CACNA2D3: variants seen among roughly 807,000 people sequenced by gnomAD.
CACNA2D3 encodes the protein voltage-dependent calcium channel subunit alpha-2/delta-3.
In CACNA2D3, 60 loss-of-function variants were observed where a neutral mutation model predicts 160.6. That is an observed-to-expected ratio of 0.37 (90% CI 0.30 to 0.46). The LOEUF (loss-of-function observed/expected upper bound fraction) is 0.46, where lower values mean the gene tolerates loss of function less well. Ranked by LOEUF, CACNA2D3 falls within the 20% of genes least tolerant of loss-of-function variation. The probability of loss-of-function intolerance (pLI) is 1.00; values close to 1 mark genes in which losing one functional copy is unlikely to be tolerated. For synonymous variants in CACNA2D3, 558 were observed against 492.9 expected, an observed-to-expected ratio of 1.13 and a Z score of -1.75; for missense variants, 1,205 against 1,365.0, an observed-to-expected ratio of 0.88 and a Z score of 1.85.
At chr3:54,724,022 C>G (rs1159208993) in intron 11 of CACNA2D3, among the ~76,000 whole-genome samples, 1 of 152,064 alleles carries the variant, frequency 6.6e-6, no homozygotes, top group African/African-American at 2.4e-5. Context: ...ATTCAGGAGA[C>G]CCATCTCACG....
chr3:55,008,232 G>T (rs1703138353), intron 33 of CACNA2D3, among the ~76,000 whole-genome samples: 1 of 152,092 alleles, frequency 6.6e-6, no homozygotes, highest in Admixed American at 6.5e-5. Context: ...GCAGGAATGG[G>T]TGCCTGTGAG....
At chr3:54,317,913 A>C (rs565486663) in intron 2 of CACNA2D3, among the ~76,000 whole-genome samples, 6 of 152,164 alleles carry the variant, frequency 3.9e-5, no homozygotes, top group Admixed American at 3.3e-4. Context: ...TAATCCATTC[A>C]TGAGGGTGGA....
chr3:54,660,828 A>C (rs1470111458), intron 11 of CACNA2D3, among the ~76,000 whole-genome samples: 1 of 152,046 alleles, frequency 6.6e-6, no homozygotes, highest in African/African-American at 2.4e-5. Context: ...CAAGATCTCC[A>C]CGTGAAAGTG....
In CACNA2D3 at chr3:55,037,790, G is replaced by A. The variant is rs535138535; in HGVS notation, c.2987+19473G>A. The stretch of plus-strand genomic sequence containing the variant: ...AATAAGTTTGTTTGCTTTCCCTGGC[G>A]TTAACCATATTTTTAAAAGCAAAAA... On this transcript the variant is annotated intron_variant, in intron 35 of 37. Coordinates refer to ENST00000474759, the MANE Select transcript of CACNA2D3 (RefSeq NM_018398.3). Among the ~76,000 whole-genome samples the A allele has an allele frequency of 4.3e-4, 65 of 152,198 alleles. 1 individual carries two copies. In the Middle Eastern group the frequency reaches 0.02, roughly 48 times the overall value.
chr3:54,176,493 A>G (rs1700680813), intron 2 of CACNA2D3, among the ~76,000 whole-genome samples: 1 of 152,146 alleles, frequency 6.6e-6, no homozygotes, highest in African/African-American at 2.4e-5. Flanking sequence ...TGTGCATTTT[A>G]TAATGTTTTA....
chr3:54,185,932 A>G (rs1700872296), intron 2 of CACNA2D3, among the ~76,000 whole-genome samples: 1 of 152,104 alleles, frequency 6.6e-6, no homozygotes. Context: ...ACTTGCCTTA[A>G]GCATCTCTCC....
intron 27 of CACNA2D3, among the ~76,000 whole-genome samples, chr3:54,962,957 A>G (rs1702066893): frequency 6.6e-6 from 1 of 152,178 alleles, no homozygotes; most frequent in Admixed American, 6.5e-5. Flanking sequence ...CTAATTTTAT[A>G]TGTTTTATTT....
intron 11 of CACNA2D3, among the ~76,000 whole-genome samples, chr3:54,670,295 G>A (rs1349638833): frequency 6.6e-6 from 1 of 152,184 alleles, no homozygotes; most frequent in Non-Finnish European, 1.5e-5. Context: ...AATAAATTAG[G>A]TGCACAGACG....
chr3:54,927,978 C>T (rs532855794), intron 27 of CACNA2D3: 14 of 1,504,382 alleles, frequency 9.3e-6, no homozygotes, highest in Admixed American at 1.7e-5. Context: ...GAGCAACACA[C>T]GAAGGGCATG....
rs144227692 is a variant in CACNA2D3, at chr3:54,331,367, A to G, written c.321+10809A>G. Among the ~76,000 whole-genome samples, 150 of 152,312 alleles carry G rather than the reference A, an allele frequency of 9.8e-4. 1 individual carries two copies. The highest frequency in any genetic ancestry group is 3.3e-3 in the African/African-American group (139 of 41,570). The stretch of plus-strand genomic sequence containing the variant: ...TCGTTTATTTGCTACTCTGGCCCCA[A>G]GGAACATTGAGTTTGCAACCCCTGC... On this transcript the variant is annotated intron_variant, in intron 3 of 37. Coordinates refer to ENST00000474759, the MANE Select transcript of CACNA2D3 (RefSeq NM_018398.3).
rs1283088557 is a variant in CACNA2D3 at position 55,018,379 on chromosome 3, G to T, written c.2987+62G>T. On this transcript the variant is annotated intron_variant, in intron 35 of 37. Transcript: ENST00000474759. ...TTCTGCTCAGCACAGAACTTTCCCA[G>T]ATGGGTCTGTGTGACTTGCAGGCAC... 20 of 1,012,056 alleles carry T rather than the reference G, an allele frequency of 2.0e-5. No homozygotes were observed. The East Asian group carries it at 3.8e-4, about 19-fold the overall frequency. The allele number at this position is 1,012,056 out of a possible 1,614,324, so 62.7% of individuals were successfully genotyped here.
At chr3:54,129,102 G>T (rs540344846) in intron 2 of CACNA2D3, among the ~76,000 whole-genome samples, 2 of 124,814 alleles carry the variant, frequency 1.6e-5, no homozygotes, top group Admixed American at 7.7e-5. Context: ...GATTTTTTGT[G>T]ATTTTCCTAA....
chr3:55,021,007 AAATT>A (rs1321412789), intron 35 of CACNA2D3, among the ~76,000 whole-genome samples: 1 of 152,138 alleles, frequency 6.6e-6, no homozygotes, highest in East Asian at 1.9e-4. Flanking sequence ...TATTGCCACA[AAATT>A]ACTTACATTT....
At chr3:54,532,037 C>G (rs535041298) in intron 5 of CACNA2D3, among the ~76,000 whole-genome samples, 1 of 152,334 alleles carries the variant, frequency 6.6e-6, no homozygotes, top group Admixed American at 6.5e-5. Flanking sequence ...CATCAAGTCT[C>G]CACAGTGAGG....
chr3:54,278,986 C>A (rs1276909892), intron 2 of CACNA2D3, among the ~76,000 whole-genome samples: 2 of 152,264 alleles, frequency 1.3e-5, no homozygotes, highest in Middle Eastern at 3.4e-3. Flanking sequence ...ACCACACACA[C>A]AAAAACACCA....
intron 9 of CACNA2D3, among the ~76,000 whole-genome samples, chr3:54,583,685 A>G (rs1702715271): frequency 6.6e-6 from 1 of 152,188 alleles, no homozygotes; most frequent in African/African-American, 2.4e-5. Flanking sequence ...TCGGTTCTCA[A>G]AAAGTTTCAG....
At chr3:54,516,492 G>A (rs1701553769) in intron 5 of CACNA2D3, among the ~76,000 whole-genome samples, 1 of 152,128 alleles carries the variant, frequency 6.6e-6, no homozygotes, top group African/African-American at 2.4e-5. Flanking sequence ...GCCCACACAT[G>A]TAGATATTTG....
chr3:54,256,165 A>G (rs1702289829), intron 2 of CACNA2D3, among the ~76,000 whole-genome samples: 1 of 152,108 alleles, frequency 6.6e-6, no homozygotes, highest in South Asian at 2.1e-4. Context: ...TTTCTGGGGG[A>G]CCTGAAATCT....
intron 29 of CACNA2D3, among the ~76,000 whole-genome samples, chr3:54,975,391 C>T (rs1702364708): frequency 1.3e-5 from 2 of 151,926 alleles, no homozygotes; most frequent in East Asian, 1.9e-4. Flanking sequence ...TTGGGGTGTG[C>T]ACCTGTAGTC....
Sources: gnomAD v4.1 joint callset for allele counts (sites outside exome capture counted in the v4.1 genomes callset) on GRCh38, gnomAD v4.1.1 for gene constraint, MANE v1.5 for transcripts, NCBI Gene and HGNC (gene_info 2026-07-23, HGNC 2026-07-21) for gene names.